Variants in KCNB2 observed in about 807,000 individuals in gnomAD.
KCNB2 encodes potassium voltage-gated channel subfamily B member 2.
Under a neutral mutation model 61.5 loss-of-function variants are expected in KCNB2, and 15 were observed. That is an observed-to-expected ratio of 0.24 (90% CI 0.16 to 0.38). The LOEUF (loss-of-function observed/expected upper bound fraction) is 0.38, where lower values mean the gene tolerates loss of function less well. KCNB2 is among the 10% of genes least tolerant of loss of function. The pLI is 1.00. For synonymous variants in KCNB2, 457 were observed against 446.0 expected (o/e 1.02, Z -0.31); for missense variants, 828 against 1,125.2 (o/e 0.74, Z 3.78).
At chr8:72,868,767 T>G (rs1308546215) in intron 2 of KCNB2, among the ~76,000 whole-genome samples, 1 of 152,088 alleles carries the variant, frequency 6.6e-6, no homozygotes, top group African/African-American at 2.4e-5. Context: ...GATTTGTTCA[T>G]AAAAGTAGAA....
chr8:72,852,589 G>T (rs771353199), intron 2 of KCNB2, among the ~76,000 whole-genome samples: 5 of 152,078 alleles, frequency 3.3e-5, no homozygotes, highest in Non-Finnish European at 7.4e-5. Flanking sequence ...AGCTGTATTC[G>T]ACAGTGGATA....
intron 2 of KCNB2, among the ~76,000 whole-genome samples, chr8:72,930,222 C>T (rs1204003153): frequency 6.6e-6 from 1 of 151,520 alleles, no homozygotes; most frequent in African/African-American, 2.4e-5. Flanking sequence ...GGGTTGGTTC[C>T]AGGTCTTTGC....
At chr8:72,822,017 A>G (rs906978281) in intron 2 of KCNB2, among the ~76,000 whole-genome samples, 1 of 152,060 alleles carries the variant, frequency 6.6e-6, no homozygotes, top group Non-Finnish European at 1.5e-5. Flanking sequence ...ACCACCACCA[A>G]CAGCTCATCC....
intron 2 of KCNB2, among the ~76,000 whole-genome samples, chr8:72,817,902 T>G (rs1809429214): frequency 6.6e-6 from 1 of 152,190 alleles, no homozygotes; most frequent in Non-Finnish European, 1.5e-5. Context: ...AATAAATAAT[T>G]TCTACTACAC....
At position 72,701,973 on chromosome 8, in the gene KCNB2, A is replaced by G. The variant is rs537879998; in HGVS notation, c.579+133660A>G. ...TAACAATGATTATTTTTGAAAGATTAAGATTACAGGAAATTTTAGCTTTCT... is the reference window on the plus strand; with the variant it reads ...TAACAATGATTATTTTTGAAAGATTGAGATTACAGGAAATTTTAGCTTTCT... On this transcript the variant is annotated intron_variant, in intron 2 of 2. Transcript: ENST00000523207. 2.1e-3 allele frequency among the ~76,000 whole-genome samples: 320 copies of G among 152,340 alleles called. 3 individuals carry two copies. Among genetic ancestry groups the G allele is most frequent in the African/African-American group, 7.2e-3 (301 of 41,566 alleles).
chr8:72,667,357 C>A (rs1459553265), intron 2 of KCNB2, among the ~76,000 whole-genome samples: 1 of 152,202 alleles, frequency 6.6e-6, no homozygotes, highest in Non-Finnish European at 1.5e-5. Context: ...TATTATTCAT[C>A]TGTCCACCTG....
intron 2 of KCNB2, among the ~76,000 whole-genome samples, chr8:72,715,275 A>T (rs972246810): frequency 6.6e-6 from 1 of 152,194 alleles, no homozygotes; most frequent in Non-Finnish European, 1.5e-5. Flanking sequence ...TAACAAGGAT[A>T]TCCAGGAATT....
intron 2 of KCNB2, among the ~76,000 whole-genome samples, chr8:72,906,430 A>G (rs1806177761): frequency 6.6e-6 from 1 of 152,206 alleles, no homozygotes. Context: ...AAGAGAATTT[A>G]TAATTTTGAA....
At chr8:72,589,041 G>C (rs541844420) in intron 2 of KCNB2, among the ~76,000 whole-genome samples, 59 of 152,290 alleles carry the variant, frequency 3.9e-4, no homozygotes, top group African/African-American at 1.3e-3. Flanking sequence ...CACTCAGGCA[G>C]CAGTACAAAA....
intron 2 of KCNB2, among the ~76,000 whole-genome samples, chr8:72,898,208 A>G (rs1806023168): frequency 6.6e-6 from 1 of 151,750 alleles, no homozygotes; most frequent in South Asian, 2.1e-4. Flanking sequence ...CACCTTTAAC[A>G]TTGGAAAGCT....
chr8:72,895,773 A>G (rs768387713), intron 2 of KCNB2, among the ~76,000 whole-genome samples: 3 of 152,166 alleles, frequency 2.0e-5, no homozygotes, highest in Non-Finnish European at 4.4e-5. Flanking sequence ...AGAGGGTAAG[A>G]CAAAACAAAA....
chr8:72,793,360 T>A (rs902049408), intron 2 of KCNB2, among the ~76,000 whole-genome samples: 7 of 152,034 alleles, frequency 4.6e-5, no homozygotes, highest in Non-Finnish European at 7.4e-5. Flanking sequence ...TCTGTGGAGG[T>A]GACAATTGAG....
At chr8:72,814,907 A>G (rs189340391) in intron 2 of KCNB2, among the ~76,000 whole-genome samples, 2 of 152,296 alleles carry the variant, frequency 1.3e-5, no homozygotes, top group Admixed American at 6.5e-5. Context: ...GAGCTATGAT[A>G]ATAACTAGAA....
intron 2 of KCNB2, among the ~76,000 whole-genome samples, chr8:72,868,079 T>A (rs117381845): frequency 0.044 from 6,603 of 150,140 alleles, 195 homozygotes; most frequent in Non-Finnish European, 0.064. Context: ...TTATTTATTT[T>A]TTTTTTTTTA....
intron 2 of KCNB2, among the ~76,000 whole-genome samples, chr8:72,719,120 T>A (rs1448463905): frequency 2.0e-5 from 3 of 152,204 alleles, no homozygotes; most frequent in African/African-American, 7.2e-5. Context: ...TGTTTGTTTT[T>A]GCTGGTAAGT....
chr8:72,791,044 C>A (rs748593148), intron 2 of KCNB2, among the ~76,000 whole-genome samples: 1 of 152,186 alleles, frequency 6.6e-6, no homozygotes, highest in Non-Finnish European at 1.5e-5. Flanking sequence ...GCAAATGACT[C>A]TTCCCAAGGA....
chr8:72,897,466 G>A (rs553300415), intron 2 of KCNB2, among the ~76,000 whole-genome samples: 9 of 152,168 alleles, frequency 5.9e-5, no homozygotes, highest in African/African-American at 1.9e-4. Flanking sequence ...ATTATACACT[G>A]AATATTTCAA....
intron 1 of KCNB2, among the ~76,000 whole-genome samples, chr8:72,554,435 G>C (rs1206453876): frequency 6.6e-6 from 1 of 152,036 alleles, no homozygotes; most frequent in Non-Finnish European, 1.5e-5. Context: ...TTAATAATAA[G>C]GTTCAACTCA....
At chr8:72,820,601 G>T (rs1360889324) in intron 2 of KCNB2, among the ~76,000 whole-genome samples, 1 of 151,698 alleles carries the variant, frequency 6.6e-6, no homozygotes, top group Non-Finnish European at 1.5e-5. Context: ...CTCTGTGACA[G>T]TTCTCCTTTA....
Sources: allele counts gnomAD v4.1 joint callset (sites outside exome capture counted in the v4.1 genomes callset), GRCh38; gene constraint gnomAD v4.1.1; transcripts MANE v1.5; gene names NCBI Gene and HGNC (gene_info 2026-07-23, HGNC 2026-07-21).